The following SH3BGR variants were observed in gnomAD, a reference collection of about 807,000 sequenced individuals.
SH3BGR encodes SH3 domain-binding glutamic acid-rich protein.
A neutral mutation model predicts 24.5 loss-of-function variants in SH3BGR; 29 were observed. That is an observed-to-expected ratio of 1.18 (90% CI 0.88 to 1.61). The LOEUF is 1.61. Ranked by LOEUF, SH3BGR falls within the 40% of genes most tolerant of loss-of-function variation. The pLI is 0.00. For synonymous variants in SH3BGR, 55 were observed against 65.7 expected, an observed-to-expected ratio of 0.84 and a Z score of 0.79; for missense variants, 162 against 205.8, an observed-to-expected ratio of 0.79 and a Z score of 1.30.
Position 39,452,001 on chromosome 21 carries a change from C to G in SH3BGR, c.-96C>G, listed in dbSNP as rs2077581782. 6.2e-7 allele frequency: 1 copy of G among 1,614,216 alleles called. No homozygotes were observed. The highest frequency in any genetic ancestry group is 8.5e-7 in the Non-Finnish European group (1 of 1,180,036). ...CCCCTGGGCTGCTGCCAGCCCCGAC[C>G]TGGCACTTGCTTGCCTGTGTCACTG... On this transcript the variant is annotated 5_prime_UTR_variant, in exon 1 of 7. Transcript: ENST00000333634.
At chr21:39,469,220 C>T (rs111628052) in intron 2 of SH3BGR, among the ~76,000 whole-genome samples, 5,939 of 151,156 alleles carry the variant, frequency 0.039, 306 homozygotes, top group African/African-American at 0.12. Context: ...TCAACATCCC[C>T]CCAAGTTTTA....
chr21:39,493,314 C>A (rs913213328), intron 3 of SH3BGR, among the ~76,000 whole-genome samples: 4 of 152,082 alleles, frequency 2.6e-5, no homozygotes, highest in African/African-American at 9.7e-5. Context: ...AGATGAGGAT[C>A]CAGTCATTCT....
Position 39,511,571 on chromosome 21 carries a change from G to A in SH3BGR, c.436-109G>A. On this transcript the variant is annotated intron_variant, in intron 5 of 6. Transcript: ENST00000333634. The surrounding 1 kb of genome is among the most constrained non-coding windows in gnomAD (Gnocchi z 4.2). ...TGTGTGTTTGTTTGTGTGTTGTGTG[G>A]TGGGGTGTGGGAGGCTTTGACCTCT... 3 of 952,074 alleles carry A rather than the reference G, an allele frequency of 3.2e-6. No individual in the cohort carries two copies. The highest frequency in any genetic ancestry group is 4.8e-6 in the Non-Finnish European group (3 of 628,170). 59.0% of individuals were successfully genotyped at this position (952,074 alleles called of 1,614,324 possible).
upstream of SH3BGR, among the ~76,000 whole-genome samples, chr21:39,450,774 CTTTAA>C (rs921411550): frequency 6.6e-6 from 1 of 152,020 alleles, no homozygotes; most frequent in African/African-American, 2.4e-5. Flanking sequence ...TTTTGTATTC[CTTTAA>C]TTTAATTTGT....
In SH3BGR at chr21:39,509,854, C is replaced by T. The variant is rs531141726; in HGVS notation, c.435+827C>T. Among the ~76,000 whole-genome samples, 191 of 152,048 alleles carry T rather than the reference C, an allele frequency of 1.3e-3. 8 individuals are homozygous for T. The South Asian group carries it at 0.038, about 31-fold the overall frequency. On this transcript the variant is annotated intron_variant, in intron 5 of 6. Coordinates refer to ENST00000333634, the MANE Select transcript of SH3BGR (RefSeq NM_007341.3). ...GTAGGGAGAATAATTTACTAAGTTACGTGTATTGTCTAGATGTTTCAGCAC... is the reference window on the plus strand; with the variant it reads ...GTAGGGAGAATAATTTACTAAGTTATGTGTATTGTCTAGATGTTTCAGCAC...
intron 3 of SH3BGR, among the ~76,000 whole-genome samples, chr21:39,476,157 A>G (rs2078024313): frequency 1.3e-5 from 2 of 152,166 alleles, no homozygotes; most frequent in Non-Finnish European, 2.9e-5. Context: ...TGCCTGGAAG[A>G]TGAGAAACCA....
In SH3BGR at chr21:39,511,395, G is replaced by A. The variant is rs761587275; in HGVS notation, c.436-285G>A. Among the ~76,000 whole-genome samples, 26 of 148,700 alleles carry A rather than the reference G, an allele frequency of 1.7e-4. No homozygotes were observed. Among genetic ancestry groups the A allele is most frequent in the African/African-American group, 4.7e-4 (19 of 40,278 alleles). On this transcript the variant is annotated intron_variant, in intron 5 of 6. Transcript: ENST00000333634. This position sits in a 1 kb window ranked among gnomAD's most constrained non-coding sequence, Gnocchi z 4.2. The stretch of plus-strand genomic sequence containing the variant: ...TGTGGTGTGTATGTGGTGTGTGTGC[G>A]TGGATGTGTGTCTGGGTGGTGTGTG...
chr21:39,462,284 G>C (rs1363727640), intron 1 of SH3BGR, 91 bp from the exon 2 acceptor site: 3 of 865,088 alleles, frequency 3.5e-6, no homozygotes, highest in Admixed American at 2.7e-5. Context: ...TATTTGTGTT[G>C]TATAGTATAA....
chr21:39,469,270 T>G (rs1270724976), intron 2 of SH3BGR, among the ~76,000 whole-genome samples: 3 of 151,538 alleles, frequency 2.0e-5, no homozygotes, highest in Non-Finnish European at 4.4e-5. Context: ...TAGGTAGTTA[T>G]GTCTTCTCTT....
intron 6 of SH3BGR, among the ~76,000 whole-genome samples, chr21:39,512,310 A>C (rs1391541613): frequency 6.6e-6 from 1 of 152,156 alleles, no homozygotes; most frequent in Admixed American, 6.6e-5. Context: ...TATTGCTGCC[A>C]CGGGTTTAGT....
chr21:39,477,489 T>C (rs1163026562), intron 3 of SH3BGR, among the ~76,000 whole-genome samples: 2 of 152,220 alleles, frequency 1.3e-5, no homozygotes, highest in Non-Finnish European at 2.9e-5. Flanking sequence ...TCATTATTTT[T>C]AATTACAAAT....
chr21:39,447,419 T>A (rs1569143905), upstream of SH3BGR, among the ~76,000 whole-genome samples: 1 of 145,100 alleles, frequency 6.9e-6, no homozygotes, highest in Non-Finnish European at 1.5e-5. Context: ...GCTTTTGCTT[T>A]TTTTTTTTTT....
chr21:39,501,665 T>A (rs2078496520), intron 4 of SH3BGR, among the ~76,000 whole-genome samples: 1 of 152,240 alleles, frequency 6.6e-6, no homozygotes, highest in Non-Finnish European at 1.5e-5. Flanking sequence ...TTTGATTTAC[T>A]TTAATTCAAT....
intron 4 of SH3BGR, among the ~76,000 whole-genome samples, chr21:39,507,025 C>T (rs2078594969): frequency 4.6e-5 from 7 of 152,170 alleles, no homozygotes; most frequent in Admixed American, 4.6e-4. Context: ...GAGGCACGAT[C>T]AACACGTCGC....
intron 3 of SH3BGR, among the ~76,000 whole-genome samples, chr21:39,492,193 C>T (rs752938378): frequency 1.1e-4 from 17 of 152,048 alleles, no homozygotes; most frequent in Non-Finnish European, 2.1e-4. Context: ...AAGCAGTGTA[C>T]ACTGCACCCT....
intron 1 of SH3BGR, among the ~76,000 whole-genome samples, chr21:39,454,999 T>G (rs1000256787): frequency 3.3e-5 from 5 of 152,206 alleles, no homozygotes; most frequent in Admixed American, 3.3e-4. Context: ...ATCAGAGCCC[T>G]TGCTCAGAAA....
intron 2 of SH3BGR, among the ~76,000 whole-genome samples, chr21:39,468,349 A>G (rs1399030544): frequency 2.0e-5 from 3 of 152,260 alleles, no homozygotes; most frequent in African/African-American, 4.8e-5. Flanking sequence ...TGTATGCACT[A>G]TCCAGTTTAA....
Position 39,478,481 on chromosome 21 carries a change from T to C in SH3BGR, c.312+3266T>C, listed in dbSNP as rs138995322. Among the ~76,000 whole-genome samples, 3 of 152,334 alleles carry C rather than the reference T, an allele frequency of 2.0e-5. No individual in the cohort carries two copies. In the East Asian group the frequency reaches 5.8e-4, roughly 29 times the overall value. On this transcript the variant is annotated intron_variant, in intron 3 of 6. Coordinates refer to ENST00000333634, the MANE Select transcript of SH3BGR (RefSeq NM_007341.3). ...GGGTCCAATTTTTTGGTTTTGAAGTTGTACGATGAGGTAGCTGGTAGAGGT... is the reference window on the plus strand; with the variant it reads ...GGGTCCAATTTTTTGGTTTTGAAGTCGTACGATGAGGTAGCTGGTAGAGGT...
intron 2 of SH3BGR, among the ~76,000 whole-genome samples, chr21:39,470,952 A>T (rs1016003025): frequency 5.9e-5 from 9 of 151,964 alleles, no homozygotes; most frequent in African/African-American, 1.7e-4. Flanking sequence ...TTCTGGGCTG[A>T]TGTTTATTTT....
Sources: allele counts gnomAD v4.1 joint callset (sites outside exome capture counted in the v4.1 genomes callset), GRCh38; gene constraint gnomAD v4.1.1; non-coding constraint Gnocchi (gnomAD v3.1); transcripts MANE v1.5; gene names NCBI Gene and HGNC (gene_info 2026-07-23, HGNC 2026-07-21).